DCDC1: variants seen among roughly 807,000 people sequenced by gnomAD.
DCDC1 encodes the protein doublecortin domain containing 1.
A neutral mutation model predicts 178.3 loss-of-function variants in DCDC1; 200 were observed. The observed-to-expected ratio is 1.12, with a 90% CI of 1.00 to 1.26. The LOEUF (loss-of-function observed/expected upper bound fraction) is 1.26, where lower values mean the gene tolerates loss of function less well. Among genes scored for constraint, DCDC1 ranks in the 50% most tolerant of loss-of-function variants. DCDC1 has a pLI of 0.00. For synonymous variants in DCDC1, 690 were observed against 604.8 expected (o/e 1.14, Z -2.07); for missense variants, 1,983 against 1,749.2 (o/e 1.13, Z -2.38).
chr11:31,017,262 C>T (rs1027946757), intron 20 of DCDC1, among the ~76,000 whole-genome samples: 4 of 152,154 alleles, frequency 2.6e-5, no homozygotes, highest in African/African-American at 7.2e-5. Flanking sequence ...CTGAAGACAG[C>T]AACACTAACT....
intron 9 of DCDC1, among the ~76,000 whole-genome samples, chr11:31,197,742 C>T (rs1383787821): frequency 1.3e-5 from 2 of 152,050 alleles, no homozygotes; most frequent in Non-Finnish European, 2.9e-5. Flanking sequence ...AACTTTTACC[C>T]TTATAATTAC....
At position 30,863,734 on chromosome 11, in the gene DCDC1, C is replaced by A; in HGVS notation, c.*1639G>T. 1 of 152,336 alleles carries A rather than the reference C, an allele frequency of 6.6e-6. No homozygotes were observed. 9.4% of individuals were successfully genotyped at this position (152,336 alleles called of 1,614,324 possible). On this transcript the variant is annotated 3_prime_UTR_variant, in exon 39 of 39. Coordinates refer to ENST00000684477, the MANE Select transcript of DCDC1 (RefSeq NM_001387274.1). ...TTTGAGAAGTCCAGATTACGTATCC[C>A]CCACACCTTAAAGATTATGGAAATG...
chr11:30,933,176 T>C (rs903725307), intron 21 of DCDC1, among the ~76,000 whole-genome samples: 8 of 152,190 alleles, frequency 5.3e-5, no homozygotes, highest in Admixed American at 1.3e-4. Flanking sequence ...TATTTTTATG[T>C]GGTAAGTCTT....
intron 9 of DCDC1, among the ~76,000 whole-genome samples, chr11:31,164,292 GA>G (rs1323115113): frequency 1.3e-5 from 2 of 151,884 alleles, no homozygotes; most frequent in African/African-American, 2.4e-5. Flanking sequence ...AATCTATGAT[GA>G]AAAAAAAGAA....
At chr11:31,124,085 C>T (rs560923379) in intron 11 of DCDC1, among the ~76,000 whole-genome samples, 1 of 152,108 alleles carries the variant, frequency 6.6e-6, no homozygotes, top group South Asian at 2.1e-4. Context: ...AGAAGGCATC[C>T]TTGTCTTGTA....
At chr11:31,182,990 C>CA (rs756580383) in intron 9 of DCDC1, among the ~76,000 whole-genome samples, 13 of 151,742 alleles carry the variant, frequency 8.6e-5, no homozygotes, top group Non-Finnish European at 1.6e-4. Context: ...CAACAAAGAT[C>CA]AAAAAAGACA....
intron 20 of DCDC1, among the ~76,000 whole-genome samples, chr11:31,030,861 A>G (rs1590815275): frequency 2.6e-5 from 1 of 38,728 alleles, no homozygotes; most frequent in East Asian, 4.4e-4. Context: ...CCAGGGCAAG[A>G]AAAAAAAAAA....
chr11:31,088,564 T>C (rs1445885833), intron 17 of DCDC1, among the ~76,000 whole-genome samples: 1 of 152,228 alleles, frequency 6.6e-6, no homozygotes, highest in Non-Finnish European at 1.5e-5. Context: ...TAAAAAAATC[T>C]TTCTTCCATT....
intron 20 of DCDC1, among the ~76,000 whole-genome samples, chr11:31,043,004 G>T (rs545036456): frequency 1.3e-5 from 2 of 152,126 alleles, no homozygotes; most frequent in Non-Finnish European, 2.9e-5. Flanking sequence ...ATCATAGAGC[G>T]TACTCCACAA....
intron 15 of DCDC1, among the ~76,000 whole-genome samples, chr11:31,101,020 A>G (rs916980501): frequency 6.6e-6 from 1 of 152,248 alleles, no homozygotes; most frequent in African/African-American, 2.4e-5. Context: ...TACACTATTT[A>G]GATCCATATG....
intron 9 of DCDC1, among the ~76,000 whole-genome samples, chr11:31,160,875 A>C (rs1966257124): frequency 6.6e-6 from 1 of 152,206 alleles, no homozygotes; most frequent in African/African-American, 2.4e-5. Context: ...CGATGCTAAA[A>C]TCAACATTTA....
At chr11:31,082,136 G>C (rs930434487) in intron 17 of DCDC1, among the ~76,000 whole-genome samples, 1 of 152,116 alleles carries the variant, frequency 6.6e-6, no homozygotes, top group Admixed American at 6.6e-5. Flanking sequence ...ACGAAAGGAA[G>C]GGAAAATGGA....
At chr11:31,114,367 T>G (rs562114896) in intron 11 of DCDC1, among the ~76,000 whole-genome samples, 11 of 152,156 alleles carry the variant, frequency 7.2e-5, no homozygotes, top group Non-Finnish European at 1.6e-4. Flanking sequence ...AAGCTTAAGT[T>G]TCATTAGCGT....
chr11:31,015,646 G>C (rs775721046), intron 20 of DCDC1, among the ~76,000 whole-genome samples: 22 of 152,200 alleles, frequency 1.4e-4, no homozygotes, highest in Non-Finnish European at 2.2e-4. Context: ...TTGGAGAAAA[G>C]GATTATTTCA....
chr11:31,095,763 T>C (rs944422406), intron 15 of DCDC1, among the ~76,000 whole-genome samples: 8 of 152,192 alleles, frequency 5.3e-5, no homozygotes, highest in African/African-American at 1.9e-4. Flanking sequence ...TGTCAAATTA[T>C]TAGGCACTCA....
intron 9 of DCDC1, among the ~76,000 whole-genome samples, chr11:31,236,218 A>C (rs1033745923): frequency 6.6e-6 from 1 of 152,078 alleles, no homozygotes; most frequent in African/African-American, 2.4e-5. Context: ...CCCTCTCTGT[A>C]ATAATTACCT....
chr11:30,876,110 G>T (rs1942091237), intron 38 of DCDC1, among the ~76,000 whole-genome samples: 1 of 152,172 alleles, frequency 6.6e-6, no homozygotes, highest in South Asian at 2.1e-4. Context: ...AAGGGTGTTT[G>T]TGAACTATCA....
At chr11:30,943,658 T>C (rs1290862013) in intron 21 of DCDC1, 1 of 453,370 alleles carries the variant, frequency 2.2e-6, no homozygotes, top group Non-Finnish European at 4.4e-6. Context: ...TGAGTTCCTC[T>C]AATTTTTTCC....
chr11:30,999,803 C>T (rs1040955496), intron 20 of DCDC1, among the ~76,000 whole-genome samples: 2 of 151,890 alleles, frequency 1.3e-5, no homozygotes, highest in Non-Finnish European at 2.9e-5. Context: ...AAAATATATA[C>T]CAAAAATACA....
Sources: gnomAD v4.1 joint callset for allele counts (sites outside exome capture counted in the v4.1 genomes callset) on GRCh38, gnomAD v4.1.1 for gene constraint, MANE v1.5 for transcripts, NCBI Gene and HGNC (gene_info 2026-07-23, HGNC 2026-07-21) for gene names.